The following ATXN2 variants were observed in gnomAD, a reference collection of about 807,000 sequenced individuals.
ATXN2 encodes the protein ataxin 2.
ATXN2 carries 37 observed loss-of-function variants against 138.6 expected under a neutral mutation model. That is an observed-to-expected ratio of 0.27 (90% CI 0.21 to 0.35). The LOEUF is 0.35. ATXN2 is among the 10% of genes least tolerant of loss of function. ATXN2 has a pLI of 1.00. For missense variants in ATXN2, 1,216 were observed against 1,480.3 expected (o/e 0.82, Z 2.93); for synonymous variants, 549 against 543.7 (o/e 1.01, Z -0.13).
intron 12 of ATXN2, 144 bp downstream of exon 12, chr12:111,510,241 T>C: frequency 1.0e-6 from 1 of 988,608 alleles, no homozygotes. Context: ...TTAAACAACA[T>C]CAAAATTTAC....
chr12:111,572,459 T>G (rs1248827045), intron 1 of ATXN2, among the ~76,000 whole-genome samples: 5 of 151,834 alleles, frequency 3.3e-5, no homozygotes, highest in Non-Finnish European at 7.4e-5. Context: ...GGCCTTGGAT[T>G]AGGTCATAGA....
At chr12:111,562,136 A>G (rs927412580) in intron 1 of ATXN2, among the ~76,000 whole-genome samples, 1 of 151,946 alleles carries the variant, frequency 6.6e-6, no homozygotes, top group African/African-American at 2.4e-5. Context: ...AAAAAAAAAA[A>G]AAGAAAATAT....
chr12:111,464,077 C>T (rs761225405), intron 21 of ATXN2, among the ~76,000 whole-genome samples: 3 of 152,124 alleles, frequency 2.0e-5, no homozygotes, highest in Admixed American at 1.3e-4. Flanking sequence ...TGTGAGCCAC[C>T]GTGCCTGGCC....
intron 1 of ATXN2, among the ~76,000 whole-genome samples, chr12:111,573,733 T>C (rs1035145749): frequency 6.6e-6 from 1 of 152,150 alleles, no homozygotes; most frequent in African/African-American, 2.4e-5. Context: ...TTAAAAGATA[T>C]ACAAGTAATG....
Position 111,519,953 on chromosome 12 carries a change from A to G in ATXN2, c.912T>C (p.Asp304=). Residue 304 remains aspartate, a synonymous_variant, in exon 8 of 25, where the codon GAT becomes GAC. Transcript: ENST00000673436. ...YKARVALEND[D]RSEEEKYTAV... ...CTGTGTATTTTTCTTCCTCACTCCT[A>G]TCATCATTTTCCAGGGCCACTCGAG... is the stretch of plus-strand genomic sequence containing the variant. The G allele has an allele frequency of 6.2e-7, 1 of 1,614,122 alleles. No homozygotes were observed.
chr12:111,464,842 C>T (rs1875879019), intron 20 of ATXN2, 127 bp from the exon 21 acceptor site: 1 of 724,064 alleles, frequency 1.4e-6, no homozygotes, highest in East Asian at 2.5e-5. Flanking sequence ...TAAGAGATGA[C>T]AAGCACTTTA....
chr12:111,455,229 C>T, intron 23 of ATXN2: 1 of 674,496 alleles, frequency 1.5e-6, no homozygotes, highest in Non-Finnish European at 2.7e-6. Flanking sequence ...TCACCCGTAA[C>T]AGCCCCAGGG....
intron 24 of ATXN2, 76 bp from the exon 25 acceptor site, chr12:111,452,916 G>A: frequency 8.0e-7 from 1 of 1,244,954 alleles, no homozygotes; most frequent in Non-Finnish European, 1.0e-6. Flanking sequence ...TGCAGCACAT[G>A]ATTGTAAACT....
chr12:111,578,147 A>G (rs1437822206), intron 1 of ATXN2, among the ~76,000 whole-genome samples: 2 of 152,174 alleles, frequency 1.3e-5, no homozygotes, highest in Admixed American at 6.6e-5. Flanking sequence ...CAGTGAGCCA[A>G]CATCACGCCA....
chr12:111,490,039 C>T (rs1877918888), intron 14 of ATXN2, among the ~76,000 whole-genome samples: 1 of 144,714 alleles, frequency 6.9e-6, no homozygotes. Context: ...TCCGTCTCTA[C>T]TAAAGATAAA....
At chr12:111,553,993 A>G (rs577627488) in intron 3 of ATXN2, among the ~76,000 whole-genome samples, 165 bp downstream of exon 3, 1 of 152,250 alleles carries the variant, frequency 6.6e-6, no homozygotes, top group African/African-American at 2.4e-5. Context: ...ACAATGAATT[A>G]TATTAGACTG....
intron 18 of ATXN2, among the ~76,000 whole-genome samples, chr12:111,474,084 G>A (rs1370067947): frequency 2.0e-5 from 3 of 152,192 alleles, no homozygotes; most frequent in Non-Finnish European, 4.4e-5. Context: ...AGCCAGGTAT[G>A]GTGGCGCGCA....
chr12:111,538,640 A>C (rs1881328558), intron 5 of ATXN2, among the ~76,000 whole-genome samples: 1 of 150,252 alleles, frequency 6.7e-6, no homozygotes, highest in Admixed American at 6.7e-5. Context: ...GGAATGAGCC[A>C]CTGTACCCAG....
At chr12:111,462,621 C>T (rs1011450100) in intron 21 of ATXN2, among the ~76,000 whole-genome samples, 1 of 152,074 alleles carries the variant, frequency 6.6e-6, no homozygotes, top group Non-Finnish European at 1.5e-5. Flanking sequence ...AATTAGCAGC[C>T]CAACTGTTAG....
intron 1 of ATXN2, among the ~76,000 whole-genome samples, chr12:111,556,692 T>C (rs2135791404): frequency 6.6e-6 from 1 of 151,960 alleles, no homozygotes; most frequent in East Asian, 1.9e-4. Context: ...GGCATGCGCC[T>C]GTAGTCCCAG....
chr12:111,599,460 G>A, upstream of ATXN2: 1 of 1,209,814 alleles, frequency 8.3e-7, no homozygotes, highest in Non-Finnish European at 1.0e-6. Context: ...GCGGCGAAGC[G>A]GCGAGACTCG....
In ATXN2 at chr12:111,486,919, A is replaced by T. The variant is rs532803112; in HGVS notation, c.2241-95T>A. 4.6e-5 allele frequency: 46 copies of T among 991,198 alleles called. No individual in the cohort carries two copies. The African/African-American group carries it at 6.7e-4, about 14-fold the overall frequency. 61.4% of individuals were successfully genotyped at this position (991,198 alleles called of 1,614,324 possible). On this transcript the variant is annotated intron_variant, in intron 15 of 24. Coordinates refer to ENST00000673436, the MANE Select transcript of ATXN2 (RefSeq NM_001372574.1). ...CAATTTAAAAAAAATTGCTAAATAT[A>T]GATTTAAACTGTTCTCACTAGAAGA...
intron 1 of ATXN2, among the ~76,000 whole-genome samples, chr12:111,576,070 C>A (rs1229595955): frequency 6.7e-6 from 1 of 148,382 alleles, no homozygotes; most frequent in Non-Finnish European, 1.5e-5. Flanking sequence ...CGACAAGAGA[C>A]AAACTCTGTC....
At chr12:111,470,995 T>G in intron 18 of ATXN2, 2 of 464,672 alleles carry the variant, frequency 4.3e-6, no homozygotes, top group East Asian at 3.7e-5. Flanking sequence ...TGAAAGCAAC[T>G]TCCTCAGAGG....
Sources: gnomAD v4.1 joint callset for allele counts (sites outside exome capture counted in the v4.1 genomes callset) on GRCh38, gnomAD v4.1.1 for gene constraint, MANE v1.5 for transcripts, NCBI Gene and HGNC (gene_info 2026-07-23, HGNC 2026-07-21) for gene names.